Variants in ALB observed in about 807,000 individuals in gnomAD.
ALB encodes serum albumin.
In ALB, 37 loss-of-function variants were observed where a neutral mutation model predicts 74.5. The ratio of observed to expected loss-of-function variants is 0.50; its 90% CI spans 0.38 to 0.65. The LOEUF is 0.65. ALB is among the 30% of genes least tolerant of loss of function. The pLI is 0.00. For missense variants in ALB, 685 were observed against 718.7 expected, an observed-to-expected ratio of 0.95 and a Z score of 0.54; for synonymous variants, 249 against 251.6, an observed-to-expected ratio of 0.99 and a Z score of 0.10.
In ALB at chr4:73,410,382, A is replaced by T; in HGVS notation, c.686A>T (p.Lys229Ile). The T allele has an allele frequency of 6.2e-7, 1 of 1,613,334 alleles. No individual in the cohort carries two copies. The highest frequency in any genetic ancestry group is 8.5e-7 in the Non-Finnish European group (1 of 1,179,318). The change falls in exon 6 of 15, where the codon AAA becomes ATA. Residue 229 changes from lysine to isoleucine, a missense_variant. Coordinates refer to ENST00000295897, the MANE Select transcript of ALB (RefSeq NM_000477.7). ...AGACTCAAGTGTGCCAGTCTCCAAA[A>T]ATTTGGAGAAAGAGCTTTCAAAGCA... ...KQRLKCASLQ[K>I]FGERAFKAWA... is the part of the protein sequence containing the mutation.
intron 3 of ALB, among the ~76,000 whole-genome samples, chr4:73,407,371 A>G (rs186950239): frequency 6.6e-6 from 1 of 152,254 alleles, no homozygotes; most frequent in East Asian, 1.9e-4. Flanking sequence ...TTATCTTTTT[A>G]TGACTGACTT....
chr4:73,418,428 T>G (rs1216916917), intron 12 of ALB, 117 bp downstream of exon 12: 3 of 910,888 alleles, frequency 3.3e-6, no homozygotes, highest in Non-Finnish European at 5.2e-6. Context: ...AGTATTGGAG[T>G]GTTGCCCTTA....
chr4:73,417,290 T>A (rs567167315), intron 10 of ALB, among the ~76,000 whole-genome samples: 1 of 152,210 alleles, frequency 6.6e-6, no homozygotes, highest in African/African-American at 2.4e-5. Flanking sequence ...TGTCACTGAA[T>A]TAGGCAACTC....
At chr4:73,404,948 C>T (rs768140009) in intron 1 of ALB, 168 bp from the exon 2 acceptor site, 3 of 654,426 alleles carry the variant, frequency 4.6e-6, no homozygotes, top group Admixed American at 5.4e-5. Context: ...TGTTTAAAGG[C>T]AGAAGAAATA....
intron 2 of ALB, 45 bp from the exon 3 acceptor site, chr4:73,406,584 A>T: frequency 6.2e-7 from 1 of 1,601,498 alleles, no homozygotes; most frequent in South Asian, 1.1e-5. Context: ...CCTGTTACAT[A>T]TTAAAGTTTT....
intron 4 of ALB, 137 bp downstream of exon 4, chr4:73,408,942 G>C: frequency 1.2e-6 from 1 of 826,060 alleles, no homozygotes; most frequent in Non-Finnish European, 1.8e-6. Context: ...ATTTTTTAAA[G>C]AAGTAGTATT....
intron 2 of ALB, among the ~76,000 whole-genome samples, 176 bp downstream of exon 2, chr4:73,405,349 G>A (rs1718693684): frequency 6.6e-6 from 1 of 152,148 alleles, no homozygotes; most frequent in South Asian, 2.1e-4. Flanking sequence ...GGTAGTCACT[G>A]GTCACATGGC....
In ALB at chr4:73,413,676, C is replaced by A. The variant is rs752814535; in HGVS notation, c.1058+42C>A. On this transcript the variant is annotated intron_variant, in intron 8 of 14. Coordinates refer to ENST00000295897, the MANE Select transcript of ALB (RefSeq NM_000477.7). The stretch of plus-strand genomic sequence containing the variant: ...TTATTCTTTTATAGCTTTGGCATGA[C>A]CTCACAACTTAGGAGGATAGCCTAG... 3.8e-6 allele frequency: 6 copies of A among 1,585,690 alleles called. No homozygotes were observed. The Admixed American group carries it at 1.0e-4, about 26-fold the overall frequency.
rs1193903468 is a variant in ALB at position 73,409,302 on chromosome 4, C to T, written c.483-53C>T. ...GGGAGAATGTCGATTACAATTATTT[C>T]TGTAATATTGTCTGCTATAGAAAAG... On this transcript the variant is annotated intron_variant, in intron 4 of 14. Transcript: ENST00000295897. 5 of 1,569,734 alleles carry T rather than the reference C, an allele frequency of 3.2e-6. No homozygotes were observed. In the African/African-American group the frequency reaches 6.8e-5, roughly 21 times the overall value.
At chr4:73,416,213 T>G (rs1276771082) in intron 9 of ALB, 43 bp from the exon 10 acceptor site, 1 of 1,530,602 alleles carries the variant, frequency 6.5e-7, no homozygotes, top group Non-Finnish European at 9.0e-7. Context: ...CTGCATCTGA[T>G]CCTGAGGCAT....
At chr4:73,406,403 C>T (rs574147517) in intron 2 of ALB, among the ~76,000 whole-genome samples, 3 of 152,178 alleles carry the variant, frequency 2.0e-5, no homozygotes, top group Non-Finnish European at 4.4e-5. Flanking sequence ...TACTGACACA[C>T]GCATACATAT....
At position 73,404,452 on chromosome 4, in the gene ALB, C is replaced by A. The variant is rs749332455; in HGVS notation, c.79+46C>A. On this transcript the variant is annotated intron_variant, in intron 1 of 14. Coordinates refer to ENST00000295897, the MANE Select transcript of ALB (RefSeq NM_000477.7). The stretch of plus-strand genomic sequence containing the variant: ...TTGTTCAACTTTTATTCTATTTTCC[C>A]AGTAAAATAAAGTTTTAGTAAACTC... 2.7e-6 allele frequency: 4 copies of A among 1,503,980 alleles called. No homozygotes were observed. The East Asian group carries it at 9.1e-5, about 34-fold the overall frequency. 93.2% of individuals were successfully genotyped at this position (1,503,980 alleles called of 1,614,324 possible).
In ALB at chr4:73,409,462, A is replaced by G. The variant is rs1335184195; in HGVS notation, c.590A>G (p.Asp197Gly). 3.1e-6 allele frequency: 5 copies of G among 1,614,028 alleles called. No homozygotes were observed. The South Asian group carries it at 4.4e-5, about 14-fold the overall frequency. ...TTTACAGAATGTTGCCAAGCTGCTG[A>G]TAAAGCTGCCTGCCTGTTGCCAAAG... ...AAFTECCQAA[D>G]KAACLLPKLD... The change falls in exon 5 of 15, where the codon GAT becomes GGT. Residue 197 changes from aspartate to glycine, a missense_variant. Physicochemically the swap from Asp to Gly is moderately conservative, Grantham distance 94. Transcript: ENST00000295897.
intron 14 of ALB, among the ~76,000 whole-genome samples, chr4:73,420,597 A>C (rs750675854): frequency 3.3e-5 from 5 of 152,194 alleles, no homozygotes. Flanking sequence ...CCAAAGTTTC[A>C]GTGTTGCCCA....
intron 3 of ALB, among the ~76,000 whole-genome samples, chr4:73,406,971 T>G (rs1357144686): frequency 3.9e-5 from 6 of 152,220 alleles, no homozygotes; most frequent in Non-Finnish European, 5.9e-5. Context: ...ATTTCTTTAT[T>G]GAGACCAAAC....
rs1718668246 is a variant in ALB, at chr4:73,404,425, T to C, written c.79+19T>C. ...GATGCACGTAAGAAATCCATTTTTC[T>C]ATTGTTCAACTTTTATTCTATTTTC... On this transcript the variant is annotated intron_variant, in intron 1 of 14. Coordinates refer to ENST00000295897, the MANE Select transcript of ALB (RefSeq NM_000477.7). 1.3e-6 allele frequency: 2 copies of C among 1,587,598 alleles called. No homozygotes were observed. Among genetic ancestry groups the C allele is most frequent in the Admixed American group, 1.7e-5 (1 of 59,962 alleles).
intron 13 of ALB, 84 bp downstream of exon 13, chr4:73,419,723 A>G: frequency 6.6e-7 from 1 of 1,514,654 alleles, no homozygotes; most frequent in Non-Finnish European, 9.1e-7. Context: ...TTTATATATC[A>G]AAGGAGGCTT....
At chr4:73,412,770 G>A (rs1718912785) in intron 7 of ALB, among the ~76,000 whole-genome samples, 1 of 152,214 alleles carries the variant, frequency 6.6e-6, no homozygotes, top group African/African-American at 2.4e-5. Flanking sequence ...AGGGAGGTAG[G>A]TGGACTTGGA....
intron 13 of ALB, 65 bp from the exon 14 acceptor site, chr4:73,420,189 G>A: frequency 1.4e-6 from 2 of 1,411,304 alleles, no homozygotes; most frequent in South Asian, 1.2e-5. Flanking sequence ...CTTCATAAAT[G>A]TTAATTTTGT....
Sources: allele counts gnomAD v4.1 joint callset (sites outside exome capture counted in the v4.1 genomes callset), GRCh38; gene constraint gnomAD v4.1.1; transcripts MANE v1.5; gene names NCBI Gene and HGNC (gene_info 2026-07-23, HGNC 2026-07-21).